Variants in DCLRE1A observed in about 807,000 individuals in gnomAD.
The protein encoded by DCLRE1A is DNA cross-link repair 1A, also known as DNA cross-link repair 1A protein.
In DCLRE1A, 64 loss-of-function variants were observed where a neutral mutation model predicts 91.9. The observed-to-expected ratio is 0.70, with a 90% CI of 0.57 to 0.86. The LOEUF (loss-of-function observed/expected upper bound fraction) is 0.86, where lower values mean the gene tolerates loss of function less well. Ranked by LOEUF, DCLRE1A falls within the 40% of genes least tolerant of loss-of-function variation. The probability of loss-of-function intolerance (pLI) is 0.00; values close to 1 mark genes in which losing one functional copy is unlikely to be tolerated. For synonymous variants in DCLRE1A, 416 were observed against 431.1 expected (o/e 0.96, Z 0.43); for missense variants, 1,145 against 1,213.3 (o/e 0.94, Z 0.84).
In DCLRE1A at chr10:113,850,579, G is replaced by A; in HGVS notation, c.526C>T (p.Leu176=). ...PFHYKRYTHF[L]LAQSRAGDHP... ...TCACCAGCCCTGCTTTGAGCTAGCA[G>A]GAAGTGAGTGTATCTCTTGTAATGA... The change falls in exon 2 of 9, where the codon CTG becomes TTG. Residue 176 remains leucine, a synonymous_variant. Transcript: ENST00000361384. 2 of 1,614,142 alleles carry A rather than the reference G, an allele frequency of 1.2e-6. No individual in the cohort carries two copies. Among genetic ancestry groups the A allele is most frequent in the Non-Finnish European group, 1.7e-6 (2 of 1,180,024 alleles).
Position 113,849,917 on chromosome 10 carries a change from CAA to C in DCLRE1A, c.1186_1187del (p.Leu396AlafsTer3). ...QPISQNNESTLPYDLACTGGD... is the reference protein window; with the variant it reads ...QPISQNNESTXPYDLACTGGD... ...CACCAGTACATGCCAGATCATAAGG[CAA>C]AGTACTCTCATTATTTTGAGAAATA... On this transcript the variant is annotated frameshift_variant, in exon 2 of 9. Coordinates refer to ENST00000361384, the MANE Select transcript of DCLRE1A (RefSeq NM_014881.5). LOFTEE classifies it high-confidence loss of function. 1.2e-6 allele frequency: 2 copies of C among 1,613,938 alleles called. No homozygotes were observed. Among genetic ancestry groups the C allele is most frequent in the Non-Finnish European group, 1.7e-6 (2 of 1,179,968 alleles).
chr10:113,851,480 G>C (rs1348072596), intron 1 of DCLRE1A, among the ~76,000 whole-genome samples: 3 of 151,750 alleles, frequency 2.0e-5, no homozygotes, highest in Non-Finnish European at 4.4e-5. Flanking sequence ...GAATATAAAT[G>C]ATTTCAAAAT....
chr10:113,853,036 T>C lies in DCLRE1A; in HGVS notation c.147A>G (p.Arg49=), dbSNP rs751424787. ...TAGCTTCTGCGGCTCTTTTTCTGTT[T>C]CTACTCCGTTTTGACTGGTATTTTC... ...TDGKYQSKRS[R]NRKRAAEAKE... The change falls in exon 1 of 9, where the codon AGA becomes AGG. Residue 49 remains arginine (R), a synonymous_variant. Transcript: ENST00000361384. 10 of 1,613,888 alleles carry C rather than the reference T, an allele frequency of 6.2e-6. No individual in the cohort carries two copies. The highest frequency in any genetic ancestry group is 1.7e-5 in the Admixed American group (1 of 59,946).
At chr10:113,850,701 C>A in intron 1 of DCLRE1A, 57 bp from the exon 2 acceptor site, 1 of 1,350,978 alleles carries the variant, frequency 7.4e-7, no homozygotes, top group Admixed American at 2.6e-5. Flanking sequence ...TAAGCTTTGA[C>A]AACATTAGCA....
chr10:113,839,324 C>CA lies in DCLRE1A; in HGVS notation c.2820+2081dup, dbSNP rs35405311. Among the ~76,000 whole-genome samples the CA allele has an allele frequency of 5.9e-3, 360 of 61,220 alleles. 18 individuals are homozygous for CA. Among genetic ancestry groups the CA allele is most frequent in the African/African-American group, 8.1e-3 (108 of 13,408 alleles). The allele number at this position is 61,220 out of a possible 152,430, so 40.2% of individuals were successfully genotyped here. On this transcript the variant is annotated intron_variant, in intron 7 of 8. Transcript: ENST00000361384. ...TGGTGGACAGAGCGAGACCCTGTCT[C>CA]AAAAAAAAAAAAAAAAAAAAAAAAA... is the stretch of plus-strand genomic sequence containing the variant.
At chr10:113,846,080 C>T (rs1845533431) in intron 3 of DCLRE1A, among the ~76,000 whole-genome samples, 1 of 152,090 alleles carries the variant, frequency 6.6e-6, no homozygotes, top group Admixed American at 6.5e-5. Flanking sequence ...GTGGGTTTGT[C>T]TCCTGTTATT....
At chr10:113,837,014 A>C in intron 8 of DCLRE1A, 48 bp downstream of exon 8, 1 of 1,455,716 alleles carries the variant, frequency 6.9e-7, no homozygotes, top group South Asian at 1.4e-5. Flanking sequence ...TTAAAATGTA[A>C]TTATAAACAT....
At position 113,851,193 on chromosome 10, in the gene DCLRE1A, A is replaced by G. The variant is rs144513294; in HGVS notation, c.461-549T>C. ...TATGACATTTTACCCTAAGGTCTTCAACCATGGACTCCAATTTCCATTCTT... is the reference window on the plus strand; with the variant it reads ...TATGACATTTTACCCTAAGGTCTTCGACCATGGACTCCAATTTCCATTCTT... On this transcript the variant is annotated intron_variant, in intron 1 of 8. Transcript: ENST00000361384. Among the ~76,000 whole-genome samples, 116 of 152,336 alleles carry G rather than the reference A, an allele frequency of 7.6e-4. No individual in the cohort carries two copies. The East Asian group carries it at 0.021, about 27-fold the overall frequency.
At chr10:113,848,894 C>T in intron 2 of DCLRE1A, 86 bp downstream of exon 2, 18 of 734,126 alleles carry the variant, frequency 2.5e-5, no homozygotes, top group South Asian at 5.4e-5. Context: ...TTGTCTCATA[C>T]ACACACACAC....
chr10:113,835,071 G>A lies in DCLRE1A; in HGVS notation c.*81C>T. The stretch of plus-strand genomic sequence containing the variant: ...TTCATGAGGTTTTTCCACACAAAGT[G>A]TATTTCACATTTCTATAGATTTAAC... On this transcript the variant is annotated 3_prime_UTR_variant, in exon 9 of 9. Transcript: ENST00000361384. The A allele has an allele frequency of 1.5e-6, 2 of 1,345,626 alleles. No homozygotes were observed. Among genetic ancestry groups the A allele is most frequent in the Non-Finnish European group, 2.0e-6 (2 of 977,318 alleles). 83.4% of individuals were successfully genotyped at this position (1,345,626 alleles called of 1,614,324 possible).
At position 113,842,286 on chromosome 10, in the gene DCLRE1A, A is replaced by G. The variant is rs895446064; in HGVS notation, c.2665+57T>C. 4.6e-5 allele frequency: 66 copies of G among 1,419,754 alleles called. 1 individual carries two copies. The highest frequency in any genetic ancestry group is 3.1e-4 in the South Asian group (20 of 64,986). The allele number at this position is 1,419,754 out of a possible 1,614,324, so 87.9% of individuals were successfully genotyped here. On this transcript the variant is annotated intron_variant, in intron 6 of 8. Coordinates refer to ENST00000361384, the MANE Select transcript of DCLRE1A (RefSeq NM_014881.5). ...AGTAGAAACTGAAAGGGCATTATGC[A>G]AAAAGAATCTGATCTTTATAATATA... is the stretch of plus-strand genomic sequence containing the variant.
In DCLRE1A at chr10:113,835,357, T is replaced by A. The variant is rs761490196; in HGVS notation, c.2963-45A>T. On this transcript the variant is annotated intron_variant, in intron 8 of 8. Transcript: ENST00000361384. ...AATTTGTACACTAAAATCAAACTAA[T>A]TTAAACTTTCACAATCCTAAAATAA... 13 of 1,514,662 alleles carry A rather than the reference T, an allele frequency of 8.6e-6. No individual in the cohort carries two copies. In the African/African-American group the frequency reaches 1.6e-4, roughly 18 times the overall value. 93.8% of individuals were successfully genotyped at this position (1,514,662 alleles called of 1,614,324 possible).
chr10:113,845,470 T>C (rs1845521843), intron 4 of DCLRE1A, among the ~76,000 whole-genome samples: 1 of 152,184 alleles, frequency 6.6e-6, no homozygotes, highest in Admixed American at 6.5e-5. Flanking sequence ...TTAAACTGGA[T>C]AAAAAATGGG....
At position 113,834,818 on chromosome 10, in the gene DCLRE1A, T is replaced by C. The variant is rs17235332; in HGVS notation, c.*334A>G. ...ACATAATTACTTATATATATAATGC[T>C]TCAAACTACTTTATTAATTATCATT... On this transcript the variant is annotated 3_prime_UTR_variant, in exon 9 of 9. Transcript: ENST00000361384. 4.9e-3 allele frequency: 842 copies of C among 172,566 alleles called. 8 individuals are homozygous for C. The highest frequency in any genetic ancestry group is 0.018 in the African/African-American group (758 of 42,342). 10.7% of individuals were successfully genotyped at this position (172,566 alleles called of 1,614,324 possible).
chr10:113,846,061 C>G (rs566562941), intron 3 of DCLRE1A, among the ~76,000 whole-genome samples: 1 of 152,260 alleles, frequency 6.6e-6, no homozygotes, highest in African/African-American at 2.4e-5. Context: ...CTGGTTCCAG[C>G]CCATTCCTGT....
intron 2 of DCLRE1A, 150 bp downstream of exon 2, chr10:113,848,830 C>T: frequency 2.7e-6 from 2 of 737,466 alleles, no homozygotes. Flanking sequence ...AAAACCATAT[C>T]TACGTTAGAG....
rs755751719 is a variant in DCLRE1A at position 113,850,530 on chromosome 10, G to A, written c.575C>T (p.Pro192Leu). The change falls in exon 2 of 9, where the codon CCT becomes CTT. Residue 192 changes from proline (P) to leucine (L), a missense_variant. Pro to Leu is a moderately conservative substitution (Grantham distance 98, BLOSUM62 -3). Coordinates refer to ENST00000361384, the MANE Select transcript of DCLRE1A (RefSeq NM_014881.5). Reference protein sequence around the residue: ...AGDHPFSSPSPASGGSFSETK... With the variant: ...AGDHPFSSPSLASGGSFSETK... Reference sequence around the variant, plus strand: ...CTCACTGAAACTGCCACCTGACGCAGGTGATGGGCTGCTAAAAGGATGATC... The same window carrying A: ...CTCACTGAAACTGCCACCTGACGCAAGTGATGGGCTGCTAAAAGGATGATC... 6.0e-5 allele frequency: 97 copies of A among 1,614,002 alleles called. No individual in the cohort carries two copies. Among genetic ancestry groups the A allele is most frequent in the Non-Finnish European group, 8.1e-5 (95 of 1,180,018 alleles).
At chr10:113,848,285 C>A (rs759433236) in intron 2 of DCLRE1A, among the ~76,000 whole-genome samples, 7 of 151,936 alleles carry the variant, frequency 4.6e-5, no homozygotes, top group Non-Finnish European at 1.0e-4. Flanking sequence ...CCACTGCACT[C>A]CAGCCTAGGC....
intron 3 of DCLRE1A, among the ~76,000 whole-genome samples, chr10:113,846,692 G>A (rs1845543502): frequency 6.6e-6 from 1 of 152,090 alleles, no homozygotes; most frequent in Non-Finnish European, 1.5e-5. Flanking sequence ...AAATGGCATA[G>A]TATTTGCATA....
Sources: gnomAD v4.1 joint callset for allele counts (sites outside exome capture counted in the v4.1 genomes callset) on GRCh38, gnomAD v4.1.1 for gene constraint, MANE v1.5 for transcripts, NCBI Gene and HGNC (gene_info 2026-07-23, HGNC 2026-07-21) for gene names.